Variants in DYSF observed in about 807,000 individuals in gnomAD.
The protein encoded by DYSF is dystrophy-associated fer-1-like 1.
A neutral mutation model predicts 274.9 loss-of-function variants in DYSF; 212 were observed. That is an observed-to-expected ratio of 0.77 (90% CI 0.69 to 0.86). The LOEUF (loss-of-function observed/expected upper bound fraction) is 0.86, where lower values mean the gene tolerates loss of function less well. Ranked by LOEUF, DYSF falls within the 40% of genes least tolerant of loss-of-function variation. The pLI is 0.00. For missense variants in DYSF, 2,666 were observed against 2,783.2 expected, an observed-to-expected ratio of 0.96 and a Z score of 0.95; for synonymous variants, 1,091 against 1,078.7, an observed-to-expected ratio of 1.01 and a Z score of -0.22.
chr2:71,619,707 C>T (rs2094046969), intron 40 of DYSF, among the ~76,000 whole-genome samples: 1 of 152,172 alleles, frequency 6.6e-6, no homozygotes. Flanking sequence ...TCCCCTCTAC[C>T]TTTGCGCTTG....
intron 10 of DYSF, among the ~76,000 whole-genome samples, chr2:71,519,092 C>CAAAAAAAAAAAAA (rs70959240): frequency 1.2e-4 from 7 of 59,726 alleles, no homozygotes; most frequent in African/African-American, 3.8e-4. Context: ...CACTCCATCT[C>CAAAAAAAAAAAAA]AAAAAAAAAA....
At chr2:71,580,831 C>T (rs555663726) in intron 30 of DYSF, among the ~76,000 whole-genome samples, 1 of 152,208 alleles carries the variant, frequency 6.6e-6, no homozygotes, top group Non-Finnish European at 1.5e-5. Context: ...CTGTCTCGCT[C>T]AAGATTTGAA....
chr2:71,473,238 A>G (rs936424007), intron 1 of DYSF, among the ~76,000 whole-genome samples: 10 of 152,198 alleles, frequency 6.6e-5, no homozygotes, highest in Admixed American at 6.5e-4. Flanking sequence ...TGTCTGTACC[A>G]AGAGGTAATA....
At chr2:71,643,931 T>C (rs772450046) in intron 41 of DYSF, 34 bp from the exon 42 acceptor site, 2 of 1,550,910 alleles carry the variant, frequency 1.3e-6, no homozygotes, top group Non-Finnish European at 8.8e-7. Flanking sequence ...CGAGTCCTGT[T>C]TCTGAAATGG....
At chr2:71,675,162 G>A (rs1373648024) in intron 52 of DYSF, among the ~76,000 whole-genome samples, 1 of 152,068 alleles carries the variant, frequency 6.6e-6, no homozygotes, top group Non-Finnish European at 1.5e-5. Context: ...GGGGGGATGG[G>A]GAGTGACTGT....
intron 36 of DYSF, among the ~76,000 whole-genome samples, chr2:71,608,512 C>T (rs2093686260): frequency 6.6e-6 from 1 of 152,130 alleles, no homozygotes; most frequent in Admixed American, 6.5e-5. Flanking sequence ...TGCCTGGACA[C>T]ACCTCTAACC....
chr2:71,602,874 C>T, intron 36 of DYSF, 69 bp downstream of exon 36: 2 of 1,584,530 alleles, frequency 1.3e-6, no homozygotes, highest in Non-Finnish European at 1.7e-6. Context: ...CCTTCAAGCA[C>T]ACACCTGGAG....
Position 71,669,150 on chromosome 2 carries a change from T to A in DYSF, c.5585T>A (p.Val1862Glu), listed in dbSNP as rs886043339. 4 of 1,610,072 alleles carry A rather than the reference T, an allele frequency of 2.5e-6. No homozygotes were observed. The highest frequency in any genetic ancestry group is 3.4e-6 in the Non-Finnish European group (4 of 1,178,266). ...TGTATTATCTGGAATACCAGAGATG[T>A]GATCCTGGATGACCTGAGCCTCACG... ...LRCIIWNTRD[V>E]ILDDLSLTGE... The change falls in exon 50 of 56, where the codon GTG becomes GAG. Residue 1862 changes from valine (V) to glutamate (E), a missense_variant. Transcript: ENST00000410020.
intron 41 of DYSF, among the ~76,000 whole-genome samples, chr2:71,640,289 A>G (rs1283492093): frequency 1.3e-5 from 2 of 152,276 alleles, no homozygotes; most frequent in Non-Finnish European, 2.9e-5. Flanking sequence ...TATAATGCTA[A>G]GAAAGCTTCC....
intron 10 of DYSF, 116 bp from the exon 11 acceptor site, chr2:71,520,062 G>T: frequency 8.3e-7 from 1 of 1,198,474 alleles, no homozygotes; most frequent in East Asian, 2.3e-5. Context: ...TTGACTGCCT[G>T]TGTTTCCAAA....
rs2094528736 is a variant in DYSF at position 71,644,026 on chromosome 2, G to A, written c.4589G>A (p.Cys1530Tyr). ...FFASIGEREK[C>Y]GSYLEKDFDT... ...GCCTCCATAGGGGAGAGGGAAAAGT[G>A]CGGCTCCTACCTGGAGAAGGATTTT... Residue 1530 changes from cysteine to tyrosine, a missense_variant, in exon 42 of 56, where the codon TGC becomes TAC. Physicochemically the swap from Cys to Tyr is radical, Grantham distance 194. Around this residue, in one of 3 missense-constraint regions of DYSF, gnomAD observed 1,460 missense variants for 1,502.1 expected, o/e 0.97. Transcript: ENST00000410020. 6.2e-7 allele frequency: 1 copy of A among 1,612,498 alleles called. No individual in the cohort carries two copies. Among genetic ancestry groups the A allele is most frequent in the East Asian group, 2.2e-5 (1 of 44,876 alleles).
intron 33 of DYSF, 132 bp downstream of exon 33, chr2:71,598,877 A>G: frequency 9.4e-7 from 1 of 1,067,748 alleles, no homozygotes; most frequent in Non-Finnish European, 1.4e-6. Context: ...AACAATTAAA[A>G]TAATTTTAGA....
chr2:71,470,598 C>T (rs1182945140), intron 1 of DYSF, among the ~76,000 whole-genome samples: 5 of 144,878 alleles, frequency 3.5e-5, no homozygotes, highest in Admixed American at 7.0e-5. Flanking sequence ...GGCATGAACC[C>T]AGGAGACGGA....
At position 71,476,424 on chromosome 2, in the gene DYSF, G is replaced by A. The variant is rs142427120; in HGVS notation, c.92-4459G>A. Among the ~76,000 whole-genome samples, 570 of 151,900 alleles carry A rather than the reference G, an allele frequency of 3.8e-3. 5 individuals carry two copies. Among genetic ancestry groups the A allele is most frequent in the Middle Eastern group, 0.014 (4 of 294 alleles). On this transcript the variant is annotated intron_variant, in intron 1 of 55. Coordinates refer to ENST00000410020, the MANE Select transcript of DYSF (RefSeq NM_001130987.2). ...AGCTAGGTGGTAGGCACTTGTAGTC[G>A]CGGCTACTCGGGAGGCTGAGGCATG...
intron 49 of DYSF, 65 bp from the exon 50 acceptor site, chr2:71,669,047 C>A: frequency 1.4e-6 from 2 of 1,453,692 alleles, no homozygotes; most frequent in Non-Finnish European, 1.9e-6. Flanking sequence ...GGCTTCTTGG[C>A]TTCTTAAGGC....
At chr2:71,480,656 C>A (rs1261295555) in intron 1 of DYSF, among the ~76,000 whole-genome samples, 1 of 152,082 alleles carries the variant, frequency 6.6e-6, no homozygotes, top group Non-Finnish European at 1.5e-5. Flanking sequence ...AGCCTGGGTA[C>A]TTTCTTTTGA....
intron 12 of DYSF, among the ~76,000 whole-genome samples, chr2:71,525,561 C>A (rs1037888236): frequency 2.0e-5 from 3 of 152,146 alleles, no homozygotes; most frequent in African/African-American, 7.2e-5. Context: ...AAGTTTGAGA[C>A]CCATTCAAGG....
At chr2:71,456,069 C>A (rs1049498840) in intron 1 of DYSF, among the ~76,000 whole-genome samples, 6 of 152,130 alleles carry the variant, frequency 3.9e-5, no homozygotes, top group African/African-American at 9.7e-5. Flanking sequence ...GCAGCTCCCC[C>A]CATCCTGCAT....
intron 41 of DYSF, among the ~76,000 whole-genome samples, chr2:71,621,407 A>G (rs1245587735): frequency 1.3e-5 from 2 of 152,134 alleles, no homozygotes; most frequent in African/African-American, 4.8e-5. Flanking sequence ...TAAAATATGG[A>G]AAACACAAAA....
Sources: gnomAD v4.1 joint callset for allele counts (sites outside exome capture counted in the v4.1 genomes callset) on GRCh38, gnomAD v4.1.1 for gene constraint, gnomAD v4.1.1 regional missense constraint, MANE v1.5 for transcripts, NCBI Gene and HGNC (gene_info 2026-07-23, HGNC 2026-07-21) for gene names.